MTUS1: variants seen among roughly 807,000 people sequenced by gnomAD.
MTUS1 encodes microtubule associated scaffold protein 1.
Under a neutral mutation model 120.8 loss-of-function variants are expected in MTUS1, and 109 were observed. The ratio of observed to expected loss-of-function variants is 0.90; its 90% CI spans 0.77 to 1.06. The LOEUF (loss-of-function observed/expected upper bound fraction) is 1.06. Among genes scored for constraint, MTUS1 ranks in the 50% least tolerant of loss-of-function variants. The probability of loss-of-function intolerance (pLI) is 0.00; values close to 1 mark genes in which losing one functional copy is unlikely to be tolerated. For synonymous variants in MTUS1, 737 were observed against 550.5 expected (o/e 1.34, Z -4.74); for missense variants, 2,210 against 1,486.3 (o/e 1.49, Z -8.01).
At chr8:17,708,300 G>A (rs181601689) in intron 6 of MTUS1, among the ~76,000 whole-genome samples, 201 of 152,280 alleles carry the variant, frequency 1.3e-3, no homozygotes, top group African/African-American at 4.7e-3. Flanking sequence ...GATTTGAATA[G>A]ACACTTCTCC....
intron 6 of MTUS1, chr8:17,697,214 C>T (rs1818141001): frequency 9.7e-6 from 15 of 1,543,280 alleles, no homozygotes; most frequent in Non-Finnish European, 1.3e-5. Flanking sequence ...TTAATGAAGA[C>T]ATCCCCCGTG....
intron 1 of MTUS1, among the ~76,000 whole-genome samples, chr8:17,768,474 T>A (rs1157413666): frequency 1.3e-5 from 2 of 152,036 alleles, no homozygotes; most frequent in Non-Finnish European, 2.9e-5. Context: ...TAAGACTTTT[T>A]AAAAGAAAAT....
chr8:17,694,709 T>G (rs61147079), intron 6 of MTUS1, among the ~76,000 whole-genome samples: 1,602 of 152,112 alleles, frequency 0.011, 40 homozygotes, highest in African/African-American at 0.035. Flanking sequence ...AAGGTGGGGT[T>G]TGATGACCAG....
intron 7 of MTUS1, among the ~76,000 whole-genome samples, chr8:17,675,833 G>C (rs781557402): frequency 6.6e-6 from 1 of 151,998 alleles, no homozygotes; most frequent in Non-Finnish European, 1.5e-5. Context: ...TGATATTTTG[G>C]ATCAGTGATA....
chr8:17,774,413 G>A lies in MTUS1; in HGVS notation c.-154-18452C>T, dbSNP rs73666312. ...TCAGAAGAGGATAAGGACTGGGGAA[G>A]AAAATGAAAGTAAGTTTACCCCTTT... On this transcript the variant is annotated intron_variant, in intron 1 of 14. Transcript: ENST00000693296. 7.1e-3 allele frequency among the ~76,000 whole-genome samples: 1,087 copies of A among 152,300 alleles called. 7 individuals carry two copies. Among genetic ancestry groups the A allele is most frequent in the African/African-American group, 0.024 (989 of 41,562 alleles).
At chr8:17,772,048 T>G (rs908590556) in intron 1 of MTUS1, among the ~76,000 whole-genome samples, 2 of 152,196 alleles carry the variant, frequency 1.3e-5, no homozygotes, top group African/African-American at 4.8e-5. Flanking sequence ...CACAATGATT[T>G]AGAAGCAGAA....
intron 1 of MTUS1, among the ~76,000 whole-genome samples, chr8:17,788,829 T>G (rs1333250069): frequency 2.0e-5 from 3 of 152,048 alleles, no homozygotes; most frequent in Admixed American, 6.6e-5. Flanking sequence ...GTCATGAAAA[T>G]CAGTAAAAAA....
intron 8 of MTUS1, among the ~76,000 whole-genome samples, chr8:17,667,864 T>C (rs1216142024): frequency 2.6e-5 from 4 of 152,156 alleles, no homozygotes; most frequent in Non-Finnish European, 4.4e-5. Flanking sequence ...GAGCTGAACA[T>C]TGTTTGTTAG....
At chr8:17,744,808 G>T (rs2047620235) in intron 2 of MTUS1, among the ~76,000 whole-genome samples, 1 of 151,790 alleles carries the variant, frequency 6.6e-6, no homozygotes, top group Admixed American at 6.6e-5. Context: ...CTCCCAAAGG[G>T]CTGGGATTAC....
At chr8:17,697,609 T>C (rs2130883917) in intron 6 of MTUS1, 1 of 1,294,620 alleles carries the variant, frequency 7.7e-7, no homozygotes, top group Non-Finnish European at 9.8e-7. Flanking sequence ...ATGATGCTCT[T>C]CCTCTGAATA....
At chr8:17,718,043 C>A (rs1262237495) in intron 4 of MTUS1, among the ~76,000 whole-genome samples, 1 of 152,178 alleles carries the variant, frequency 6.6e-6, no homozygotes, top group East Asian at 1.9e-4. Context: ...TAATGGCAGG[C>A]ACAACCTGTA....
Position 17,754,765 on chromosome 8 carries a change from T to G in MTUS1, c.1043A>C (p.Asp348Ala). 1 of 1,614,260 alleles carries G rather than the reference T, an allele frequency of 6.2e-7. No individual in the cohort carries two copies. Among genetic ancestry groups the G allele is most frequent in the South Asian group, 1.1e-5 (1 of 91,088 alleles). ...RETVSYCLID[D>A]ECPLMVPAFD... ...AGCTGGCACCATTAAAGGGCATTCA[T>G]CATCAATAAGACAATAGGACACTGT... is the stretch of plus-strand genomic sequence containing the variant. The change falls in exon 2 of 15, where the codon GAT becomes GCT. Residue 348 changes from aspartate to alanine, a missense_variant. Coordinates refer to ENST00000693296, the MANE Select transcript of MTUS1 (RefSeq NM_001363059.2).
Position 17,723,673 on chromosome 8 carries a change from A to C in MTUS1, c.2448T>G (p.Asn816Lys). ...THSELSTYSN[N>K]SGNAAVIKYE... is the part of the protein sequence containing the mutation. Reference sequence around the variant, plus strand: ...AAGTGTGATATAAAGTCGACTTACAATTGTTGCTGTAAGTGCTCAGCTCAC... The same window carrying C: ...AAGTGTGATATAAAGTCGACTTACACTTGTTGCTGTAAGTGCTCAGCTCAC... Residue 816 changes from asparagine to lysine, a missense_variant and splice_region_variant, in exon 4 of 15, where the codon AAT (asparagine) becomes AAG (lysine). Transcript: ENST00000693296. The C allele has an allele frequency of 1.2e-6, 2 of 1,608,834 alleles. No individual in the cohort carries two copies. The highest frequency in any genetic ancestry group is 1.7e-6 in the Non-Finnish European group (2 of 1,175,852).
Position 17,773,998 on chromosome 8 carries a change from A to C in MTUS1, c.-154-18037T>G, listed in dbSNP as rs191568212. On this transcript the variant is annotated intron_variant, in intron 1 of 14. Coordinates refer to ENST00000693296, the MANE Select transcript of MTUS1 (RefSeq NM_001363059.2). ...TGTTCTTCCCCACTGTGCAGCCCTC[A>C]CATCTACATTCTCTCCTTTAGCTCC... 8.6e-4 allele frequency among the ~76,000 whole-genome samples: 131 copies of C among 152,304 alleles called. 1 individual carries two copies. The highest frequency in any genetic ancestry group is 3.0e-3 in the African/African-American group (126 of 41,570).
rs2048384496 is a variant in MTUS1, at chr8:17,753,964, A to G, written c.1844T>C (p.Val615Ala). Residue 615 changes from valine (V) to alanine (A), a missense_variant, in exon 2 of 15, where the codon GTT becomes GCT. Coordinates refer to ENST00000693296, the MANE Select transcript of MTUS1 (RefSeq NM_001363059.2). ...TSAVKSNQED[V>A]DKASSSNSAC... is the part of the protein sequence containing the mutation. ...TGAGTTAGAAGAACTGGCTTTGTCAACATCTTCCTGATTCGATTTCACGGC... is the reference window on the plus strand; with the variant it reads ...TGAGTTAGAAGAACTGGCTTTGTCAGCATCTTCCTGATTCGATTTCACGGC... The G allele has an allele frequency of 6.2e-7, 1 of 1,614,080 alleles. No homozygotes were observed.
chr8:17,716,042 A>T (rs767312063), intron 4 of MTUS1, 141 bp from the exon 5 acceptor site: 2 of 709,834 alleles, frequency 2.8e-6, no homozygotes, highest in Non-Finnish European at 4.6e-6. Context: ...TTGGGAATAC[A>T]ACATGGATAA....
chr8:17,661,636 C>G (rs2130411232), intron 8 of MTUS1, among the ~76,000 whole-genome samples: 1 of 151,284 alleles, frequency 6.6e-6, no homozygotes, highest in African/African-American at 2.4e-5. Flanking sequence ...CTGTTTCCCT[C>G]TATTCACCAA....
chr8:17,688,772 TA>T (rs1205015983), intron 6 of MTUS1, among the ~76,000 whole-genome samples: 1 of 152,240 alleles, frequency 6.6e-6, no homozygotes, highest in African/African-American at 2.4e-5. Flanking sequence ...ATTAGCTGTT[TA>T]CTCTAAAAGA....
intron 6 of MTUS1, among the ~76,000 whole-genome samples, chr8:17,687,174 T>C (rs901613971): frequency 2.0e-5 from 3 of 152,172 alleles, no homozygotes; most frequent in Non-Finnish European, 4.4e-5. Flanking sequence ...GCCAACAGAC[T>C]GCCCTCTCCG....
Sources: allele counts gnomAD v4.1 joint callset (sites outside exome capture counted in the v4.1 genomes callset), GRCh38; gene constraint gnomAD v4.1.1; transcripts MANE v1.5; gene names NCBI Gene and HGNC (gene_info 2026-07-23, HGNC 2026-07-21).